The following URB1 variants were observed in gnomAD, a reference collection of about 807,000 sequenced individuals.
The protein encoded by URB1 is nucleolar pre-ribosomal-associated protein 1.
In URB1, 197 loss-of-function variants were observed where a neutral mutation model predicts 242.3. The observed-to-expected ratio is 0.81, with a 90% confidence interval of 0.72 to 0.91. URB1 has a LOEUF of 0.91. Among genes scored for constraint, URB1 ranks in the 40% least tolerant of loss-of-function variants. The pLI is 0.00. For synonymous variants in URB1, 1,153 were observed against 1,201.8 expected (o/e 0.96, Z 0.84); for missense variants, 2,721 against 2,860.5 (o/e 0.95, Z 1.11).
rs982179735 is a variant in URB1, at chr21:32,321,171, C to T, written c.5485-531G>A. On this transcript the variant is annotated intron_variant, in intron 34 of 38. Coordinates refer to ENST00000382751, the MANE Select transcript of URB1 (RefSeq NM_014825.3). ...AAATGGGCTTCTTAATCTTGACTTA[C>T]TCCTATTTACCCACATTTTACATAT... Among the ~76,000 whole-genome samples the T allele has an allele frequency of 5.3e-5, 8 of 152,248 alleles. No homozygotes were observed. In the South Asian group the frequency reaches 1.0e-3, roughly 20 times the overall value.
chr21:32,381,795 G>A (rs891828770), intron 4 of URB1, among the ~76,000 whole-genome samples: 7 of 152,096 alleles, frequency 4.6e-5, no homozygotes, highest in East Asian at 3.9e-4. Flanking sequence ...TGCTATAATC[G>A]ACTGCCCCAG....
chr21:32,370,695 G>A (rs761122328), intron 8 of URB1, among the ~76,000 whole-genome samples: 1 of 152,212 alleles, frequency 6.6e-6, no homozygotes, highest in Admixed American at 6.5e-5. Context: ...CTACACCAGC[G>A]ACTGGCAAAG....
Position 32,362,066 on chromosome 21 carries a change from A to C in URB1, c.1510-45T>G, listed in dbSNP as rs757262000. 3.9e-6 allele frequency: 6 copies of C among 1,544,704 alleles called. No homozygotes were observed. The South Asian group carries it at 7.2e-5, about 19-fold the overall frequency. On this transcript the variant is annotated intron_variant, in intron 11 of 38. Transcript: ENST00000382751. ...AGAACATTAGTTGTAGTCAACCACA[A>C]AGGGAGACAAATGAACTGAACACAT...
intron 26 of URB1, among the ~76,000 whole-genome samples, chr21:32,338,309 C>A (rs1257876628): frequency 6.6e-6 from 1 of 152,130 alleles, no homozygotes; most frequent in African/African-American, 2.4e-5. Context: ...AAGTTCCAAC[C>A]GTTTTCCCTT....
In URB1 at chr21:32,325,354, T is replaced by C. The variant is rs754272476; in HGVS notation, c.4996A>G (p.Asn1666Asp). 6.4e-7 allele frequency: 1 copy of C among 1,551,164 alleles called. No individual in the cohort carries two copies. Among genetic ancestry groups the C allele is most frequent in the South Asian group, 1.2e-5 (1 of 84,040 alleles). Residue 1666 changes from asparagine to aspartate, a missense_variant, in exon 31 of 39, where the codon AAT becomes GAT. Physicochemically the swap from Asn to Asp is conservative, Grantham distance 23 (BLOSUM62 1). Transcript: ENST00000382751. ...VVDCRKFLDS[N>D]ALGLTVTALS... Reference sequence around the variant, plus strand: ...GCTGTGACAGTTAGGCCCAGAGCATTTGAATCCAAAAATTTTCGACAATCC... The same window carrying C: ...GCTGTGACAGTTAGGCCCAGAGCATCTGAATCCAAAAATTTTCGACAATCC...
intron 1 of URB1, among the ~76,000 whole-genome samples, chr21:32,389,184 T>C (rs2033613719): frequency 6.6e-6 from 1 of 152,020 alleles, no homozygotes; most frequent in Non-Finnish European, 1.5e-5. Flanking sequence ...ACGTAAGTAT[T>C]GAGGGGGCAG....
intron 23 of URB1, 111 bp from the exon 24 acceptor site, chr21:32,344,867 C>CTGT: frequency 8.4e-7 from 1 of 1,196,476 alleles, no homozygotes; most frequent in South Asian, 1.7e-5. Flanking sequence ...AGTCCTGCTC[C>CTGT]CCACACTACC....
At chr21:32,328,669 C>A (rs1465253484) in intron 30 of URB1, among the ~76,000 whole-genome samples, 1 of 152,138 alleles carries the variant, frequency 6.6e-6, no homozygotes, top group Non-Finnish European at 1.5e-5. Context: ...TAATACTCAG[C>A]TGGCTGGGAT....
At chr21:32,353,008 A>G (rs1479576658) in intron 18 of URB1, 102 bp from the exon 19 acceptor site, 2 of 1,252,294 alleles carry the variant, frequency 1.6e-6, no homozygotes, top group Non-Finnish European at 2.2e-6. Context: ...ACCCTGAAAA[A>G]TTCATGCAAC....
At position 32,363,203 on chromosome 21, in the gene URB1, C is replaced by A; in HGVS notation, c.1462G>T (p.Val488Leu). 1 of 1,552,114 alleles carries A rather than the reference C, an allele frequency of 6.4e-7. No individual in the cohort carries two copies. The highest frequency in any genetic ancestry group is 8.7e-7 in the Non-Finnish European group (1 of 1,147,086). ...VWQESGVYTA[V>L]MMEEFVQLFR... ...AGCTGCACGAATTCTTCCATCATCACAGCTGTGTACACGCCTGATTCCTGC... is the reference window on the plus strand; with the variant it reads ...AGCTGCACGAATTCTTCCATCATCAAAGCTGTGTACACGCCTGATTCCTGC... The change falls in exon 11 of 39, where the codon GTG (valine) becomes TTG (leucine). Residue 488 changes from valine (V) to leucine (L), a missense_variant. Physicochemically the swap from Val to Leu is conservative, Grantham distance 32. Transcript: ENST00000382751.
At chr21:32,334,495 G>A (rs569161772) in intron 28 of URB1, among the ~76,000 whole-genome samples, 161 bp from the exon 29 acceptor site, 6 of 152,280 alleles carry the variant, frequency 3.9e-5, no homozygotes, top group East Asian at 1.9e-4. Flanking sequence ...CACAGCTTAC[G>A]AAGTGGGTGG....
At chr21:32,392,574 G>A (rs2033651723) in intron 1 of URB1, among the ~76,000 whole-genome samples, 195 bp downstream of exon 1, 1 of 152,224 alleles carries the variant, frequency 6.6e-6, no homozygotes, top group Admixed American at 6.5e-5. Flanking sequence ...AGCAAGTCGG[G>A]GCCCTCTCGC....
Position 32,321,948 on chromosome 21 carries a change from T to C in URB1, c.5341-4A>G. On this transcript the variant is annotated splice_region_variant and splice_polypyrimidine_tract_variant and intron_variant, in intron 33 of 38. Coordinates refer to ENST00000382751, the MANE Select transcript of URB1 (RefSeq NM_014825.3). ...CCCACTTCTGCTCTGTTTTTTGCTATAACCCAGGCACACAAAAAACTGTTG... is the reference window on the plus strand; with the variant it reads ...CCCACTTCTGCTCTGTTTTTTGCTACAACCCAGGCACACAAAAAACTGTTG... 5 of 1,550,960 alleles carry C rather than the reference T, an allele frequency of 3.2e-6. No homozygotes were observed. The highest frequency in any genetic ancestry group is 3.5e-6 in the Non-Finnish European group (4 of 1,146,654).
In URB1 at chr21:32,347,146, G is replaced by A. The variant is rs1490059899; in HGVS notation, c.3678C>T (p.Arg1226=). 3.9e-6 allele frequency: 6 copies of A among 1,548,878 alleles called. No homozygotes were observed. The highest frequency in any genetic ancestry group is 2.0e-5 in the Admixed American group (1 of 50,966). The change falls in exon 22 of 39, where the codon CGC becomes CGT. Residue 1226 remains arginine (R), a synonymous_variant. Transcript: ENST00000382751. ...ADLLDYCLAR[R]TQAALSIAAL... ...CAGCGATGCTGAGGGCCGCCTGTGT[G>A]CGCCGGGCCAGGCAGTAGTCAAGCA...
Position 32,368,500 on chromosome 21 carries a change from C to G in URB1, c.1100G>C (p.Cys367Ser). 6.4e-7 allele frequency: 1 copy of G among 1,551,814 alleles called. No individual in the cohort carries two copies. Among genetic ancestry groups the G allele is most frequent in the African/African-American group, 1.4e-5 (1 of 73,138 alleles). The change falls in exon 9 of 39, where the codon TGC becomes TCC. Residue 367 changes from cysteine to serine, a missense_variant. Coordinates refer to ENST00000382751, the MANE Select transcript of URB1 (RefSeq NM_014825.3). ...ADLVVNILKV[C>S]PDLLNKYFKE... Reference sequence around the variant, plus strand: ...GAAGTATTTGTTCAGTAAGTCCGGGCACACTTTGAGGATGTTTACCACAAG... The same window carrying G: ...GAAGTATTTGTTCAGTAAGTCCGGGGACACTTTGAGGATGTTTACCACAAG...
rs780684594 is a variant in URB1, at chr21:32,366,678, C to A, written c.1275G>T (p.Met425Ile). 2.4e-4 allele frequency: 370 copies of A among 1,551,300 alleles called. 1 individual carries two copies. The highest frequency in any genetic ancestry group is 3.0e-4 in the Non-Finnish European group (344 of 1,146,834). The change falls in exon 10 of 39, where the codon ATG (methionine) becomes ATT (isoleucine). Residue 425 changes from methionine (M) to isoleucine (I), a missense_variant. Physicochemically the swap from Met to Ile is conservative, Grantham distance 10. Transcript: ENST00000382751. The part of the protein sequence containing the change: ...EFIPLPRLLA[M>I]VMVTTVPLVC... ...CCAGGGGCACGGTGGTCACCATCACCATTGCCAGGAGCCGAGGCAAGGGTA... is the reference window on the plus strand; with the variant it reads ...CCAGGGGCACGGTGGTCACCATCACAATTGCCAGGAGCCGAGGCAAGGGTA...
chr21:32,368,105 T>TC (rs765984837), intron 9 of URB1, among the ~76,000 whole-genome samples: 4 of 152,180 alleles, frequency 2.6e-5, no homozygotes, highest in Non-Finnish European at 4.4e-5. Flanking sequence ...TCTCGCTCTG[T>TC]CACCCAGGCT....
Position 32,354,906 on chromosome 21 carries a change from G to C in URB1, c.2198C>G (p.Thr733Arg). ...GCTCATGTCATCGGCTTCTTGCTTC[G>C]TCATAGTGGCCTGCAGCATGCTTGC... ...QEASMLQATMTKQEADDMSIP... is the reference protein window; with the variant it reads ...QEASMLQATMRKQEADDMSIP... Residue 733 changes from threonine to arginine, a missense_variant, in exon 17 of 39, where the codon ACG becomes AGG. Thr to Arg is a moderately conservative substitution (Grantham distance 71). Transcript: ENST00000382751. The C allele has an allele frequency of 1.3e-6, 2 of 1,552,358 alleles. No individual in the cohort carries two copies. Among genetic ancestry groups the C allele is most frequent in the Non-Finnish European group, 1.7e-6 (2 of 1,147,150 alleles).
At chr21:32,336,729 G>A (rs1480857177) in intron 28 of URB1, among the ~76,000 whole-genome samples, 1 of 152,156 alleles carries the variant, frequency 6.6e-6, no homozygotes, top group African/African-American at 2.4e-5. Flanking sequence ...TGAGCCCCCT[G>A]ACACTTCCCC....
Sources: gnomAD v4.1 joint callset for allele counts (sites outside exome capture counted in the v4.1 genomes callset) on GRCh38, gnomAD v4.1.1 for gene constraint, MANE v1.5 for transcripts, NCBI Gene and HGNC (gene_info 2026-07-23, HGNC 2026-07-21) for gene names.